The following FAM217B variants were observed in gnomAD, a reference collection of about 807,000 sequenced individuals.
FAM217B encodes family with sequence similarity 217 member B.
For synonymous variants in FAM217B, 163 were observed against 173.0 expected (o/e 0.94, Z 0.45); for missense variants, 463 against 456.9 (o/e 1.01, Z -0.12).
chr20:59,947,504 CA>C lies in FAM217B; in HGVS notation c.*2419del, dbSNP rs991031194. 6.4e-4 allele frequency: 98 copies of C among 153,514 alleles called. No individual in the cohort carries two copies. Among genetic ancestry groups the C allele is most frequent in the East Asian group, 4.1e-4 (2 of 4,934 alleles). The allele number at this position is 153,514 out of a possible 1,614,324, so 9.5% of individuals were successfully genotyped here. ...GGGCAACAAGAGGGAAACTCCGTTT[CA>C]AAAAAAAAAGAAAAAGAAAGAAATT... is the stretch of plus-strand genomic sequence containing the variant. On this transcript the variant is annotated 3_prime_UTR_variant, in exon 4 of 4. Coordinates refer to ENST00000360816, the MANE Select transcript of FAM217B (RefSeq NM_022106.3).
At chr20:59,943,012 A>T (rs2060913817) in intron 3 of FAM217B, among the ~76,000 whole-genome samples, 1 of 152,230 alleles carries the variant, frequency 6.6e-6, no homozygotes, top group Non-Finnish European at 1.5e-5. Flanking sequence ...CCACTGGGCA[A>T]ATGAACCTCT....
upstream of FAM217B, chr20:59,936,860 G>C (rs2060865687): frequency 6.6e-6 from 1 of 152,270 alleles, no homozygotes; most frequent in Non-Finnish European, 1.5e-5. Flanking sequence ...TTAATACTTA[G>C]GCTTGGGTAA....
In FAM217B at chr20:59,947,749, T is replaced by C. The variant is rs963048774; in HGVS notation, c.*2654T>C. On this transcript the variant is annotated 3_prime_UTR_variant, in exon 4 of 4. Transcript: ENST00000360816. ...TAACATGAGGTGTTTTAAAGTTAGG[T>C]CTATTACAGAATTAACATAAGCACA... 5 of 166,926 alleles carry C rather than the reference T, an allele frequency of 3.0e-5. No individual in the cohort carries two copies. The highest frequency in any genetic ancestry group is 6.5e-5 in the Admixed American group (1 of 15,268). The allele number at this position is 166,926 out of a possible 1,614,324, so 10.3% of individuals were successfully genotyped here.
At position 59,948,242 on chromosome 20, in the gene FAM217B, C is replaced by T. The variant is rs942401080; in HGVS notation, c.*3147C>T. On this transcript the variant is annotated 3_prime_UTR_variant, in exon 4 of 4. Transcript: ENST00000360816. ...TTGTAACTAACTTGAATAGGATAGACTTCATACCCTGTGACAAAAAGGATG... is the reference window on the plus strand; with the variant it reads ...TTGTAACTAACTTGAATAGGATAGATTTCATACCCTGTGACAAAAAGGATG... 6.0e-6 allele frequency: 1 copy of T among 167,024 alleles called. No individual in the cohort carries two copies. The highest frequency in any genetic ancestry group is 6.5e-5 in the Admixed American group (1 of 15,284). 10.3% of individuals were successfully genotyped at this position (167,024 alleles called of 1,614,324 possible).
chr20:59,936,160 C>T (rs924044150), upstream of FAM217B, among the ~76,000 whole-genome samples: 7 of 152,050 alleles, frequency 4.6e-5, no homozygotes, highest in African/African-American at 7.3e-5. Flanking sequence ...AACTGTAACA[C>T]AAGGGTATTT....
upstream of FAM217B, chr20:59,938,958 T>G: frequency 3.6e-6 from 5 of 1,386,852 alleles, no homozygotes; most frequent in Non-Finnish European, 4.7e-6. Flanking sequence ...CAGATAGATG[T>G]GAGAGCCCAG....
upstream of FAM217B, chr20:59,939,118 G>T (rs139860582): frequency 6.2e-7 from 1 of 1,605,092 alleles, no homozygotes; most frequent in Middle Eastern, 1.7e-4. Context: ...TAGTCTCGGT[G>T]GTCGTTGTTG....
At chr20:59,941,533 A>G (rs1450078301) in intron 1 of FAM217B, among the ~76,000 whole-genome samples, 1 of 152,222 alleles carries the variant, frequency 6.6e-6, no homozygotes, top group Non-Finnish European at 1.5e-5. Flanking sequence ...TCCAATTTCC[A>G]TTCAGTGCAC....
upstream of FAM217B, chr20:59,940,257 G>C (rs1346908117): frequency 9.2e-6 from 2 of 216,280 alleles, no homozygotes; most frequent in East Asian, 2.1e-4. Flanking sequence ...GCTGCGTTCC[G>C]GGAGCGGCCC....
chr20:59,939,093 C>T, upstream of FAM217B: 3 of 1,593,830 alleles, frequency 1.9e-6, no homozygotes, highest in South Asian at 1.1e-5. Context: ...CGCGTGGTTG[C>T]GACATGTGAG....
chr20:59,939,957 G>A, upstream of FAM217B: 1 of 1,263,022 alleles, frequency 7.9e-7, no homozygotes, highest in Non-Finnish European at 1.0e-6. Flanking sequence ...CGGAAGATGA[G>A]GCAGGGATGA....
chr20:59,943,821 T>C, intron 3 of FAM217B, 119 bp from the exon 4 acceptor site: 3 of 768,020 alleles, frequency 3.9e-6, no homozygotes, highest in Non-Finnish European at 6.2e-6. Context: ...CATTTTCTAA[T>C]GCCTACTAAT....
rs368045954 is a variant in FAM217B, at chr20:59,944,133, G to T, written c.190G>T (p.Gly64Cys). 1 of 1,614,016 alleles carries T rather than the reference G, an allele frequency of 6.2e-7. No homozygotes were observed. Among genetic ancestry groups the T allele is most frequent in the East Asian group, 2.2e-5 (1 of 44,880 alleles). The stretch of plus-strand genomic sequence containing the variant: ...AGCAAGACGCAAAAGGAATCCACTC[G>T]GTTCCAGGTGTCAGGGGGCCTCAGG... ...PEARRKRNPL[G>C]SRCQGASGNK... The change falls in exon 4 of 4, where the codon GGT becomes TGT. Residue 64 changes from glycine (G) to cysteine (C), a missense_variant. Gly to Cys is a radical substitution (Grantham distance 159, BLOSUM62 -3). Transcript: ENST00000360816.
upstream of FAM217B, chr20:59,937,592 T>C (rs1212074616): frequency 6.6e-6 from 1 of 152,204 alleles, no homozygotes; most frequent in Non-Finnish European, 1.5e-5. Context: ...TGGTGACAGG[T>C]AGCATAAAAT....
intron 1 of FAM217B, among the ~76,000 whole-genome samples, chr20:59,934,512 C>G (rs938194447): frequency 1.3e-5 from 2 of 152,192 alleles, no homozygotes; most frequent in African/African-American, 2.4e-5. Flanking sequence ...CTCGGTCTTT[C>G]TAACAGCTTC....
Position 59,943,985 on chromosome 20 carries a change from G to T in FAM217B, c.42G>T (p.Lys14Asn). 3 of 1,610,184 alleles carry T rather than the reference G, an allele frequency of 1.9e-6. No individual in the cohort carries two copies. The highest frequency in any genetic ancestry group is 1.7e-6 in the Non-Finnish European group (2 of 1,178,948). Residue 14 changes from lysine (K) to asparagine (N), a missense_variant, in exon 4 of 4, where the codon AAG becomes AAT. Coordinates refer to ENST00000360816, the MANE Select transcript of FAM217B (RefSeq NM_022106.3). ...GPSWNKVQHS[K>N]NSSGKRQSKS... The stretch of plus-strand genomic sequence containing the variant: ...CTTGGAATAAAGTGCAACATTCAAA[G>T]AATTCTTCAGGAAAAAGGCAGAGTA...
upstream of FAM217B, among the ~76,000 whole-genome samples, chr20:59,935,416 T>C (rs1601035959): frequency 1.3e-5 from 2 of 151,940 alleles, no homozygotes; most frequent in South Asian, 4.1e-4. Context: ...ATTTTACTGT[T>C]AATTTTTTTT....
chr20:59,939,351 C>A, upstream of FAM217B: 2 of 1,610,822 alleles, frequency 1.2e-6, no homozygotes, highest in Middle Eastern at 1.7e-4. Flanking sequence ...GTTGCACACG[C>A]GCACCGTACC....
chr20:59,936,869 A>G (rs1054361238), upstream of FAM217B: 1 of 152,422 alleles, frequency 6.6e-6, no homozygotes, highest in African/African-American at 2.4e-5. Flanking sequence ...AGGCTTGGGT[A>G]AAATCATTTT....
Sources: gnomAD v4.1 joint callset for allele counts (sites outside exome capture counted in the v4.1 genomes callset) on GRCh38, gnomAD v4.1.1 for gene constraint, MANE v1.5 for transcripts, NCBI Gene and HGNC (gene_info 2026-07-23, HGNC 2026-07-21) for gene names.